The following MTNR1A variants were observed in gnomAD, a reference collection of about 807,000 sequenced individuals.
MTNR1A encodes the protein melatonin receptor 1A.
In MTNR1A, 7 loss-of-function variants were observed where a neutral mutation model predicts 5.5. That is an observed-to-expected ratio of 1.28 (90% CI 0.73 to 2.40). The LOEUF (loss-of-function observed/expected upper bound fraction) is 2.40. MTNR1A is among the 30% of genes most tolerant of loss of function. The pLI is 0.00. For synonymous variants in MTNR1A, 196 were observed against 202.7 expected (o/e 0.97, Z 0.28); for missense variants, 441 against 464.4 (o/e 0.95, Z 0.46).
rs761697371 is a variant in MTNR1A at position 186,555,159 on chromosome 4, A to G, written c.184+23T>C. The G allele has an allele frequency of 8.2e-6, 13 of 1,582,772 alleles. No homozygotes were observed. The South Asian group carries it at 1.5e-4, about 18-fold the overall frequency. ...GGCGCTGCGTCCGGAGCGCTGGCCCAGGGGAGGCGGCGCGGGCCCTACCTG... is the reference window on the plus strand; with the variant it reads ...GGCGCTGCGTCCGGAGCGCTGGCCCGGGGGAGGCGGCGCGGGCCCTACCTG... On this transcript the variant is annotated intron_variant, in intron 1 of 1. Coordinates refer to ENST00000307161, the MANE Select transcript of MTNR1A (RefSeq NM_005958.4). This position sits in a 1 kb window ranked among gnomAD's most constrained non-coding sequence, Gnocchi z 4.1.
rs1277178634 is a variant in MTNR1A at position 186,555,048 on chromosome 4, CCTCT to C, written c.184+130_184+133del. Reference sequence around the variant, plus strand: ...TTCAACGGGCAGGCTGGAGAAGAGTCCTCTCTAACAGGAAAAATAACTCCAAGTC... The same window carrying C: ...TTCAACGGGCAGGCTGGAGAAGAGTCCTAACAGGAAAAATAACTCCAAGTC... On this transcript the variant is annotated intron_variant, in intron 1 of 1. Transcript: ENST00000307161. This position sits in a 1 kb window ranked among gnomAD's most constrained non-coding sequence, Gnocchi z 4.1. The C allele has an allele frequency of 9.7e-7, 1 of 1,034,128 alleles. No homozygotes were observed. The highest frequency in any genetic ancestry group is 1.5e-6 in the Non-Finnish European group (1 of 687,714). 64.1% of individuals were successfully genotyped at this position (1,034,128 alleles called of 1,614,324 possible). A position where few individuals can be genotyped will look rare whatever the true frequency, so the allele number is the denominator to read the frequency against.
chr4:186,540,123 C>T (rs1277283442), intron 1 of MTNR1A, among the ~76,000 whole-genome samples: 1 of 152,184 alleles, frequency 6.6e-6, no homozygotes, highest in Non-Finnish European at 1.5e-5. Flanking sequence ...ATAGAACCAT[C>T]AGATCTTGTG....
At position 186,536,301 on chromosome 4, in the gene MTNR1A, G is replaced by A. The variant is rs528192543; in HGVS notation, c.185-1744C>T. On this transcript the variant is annotated intron_variant, in intron 1 of 1. Transcript: ENST00000307161. Reference sequence around the variant, plus strand: ...GCAGAGGTTGCAGTGAGCAGAGATCGCGCCATTGCACTCCAGCCTGGGTGA... The same window carrying A: ...GCAGAGGTTGCAGTGAGCAGAGATCACGCCATTGCACTCCAGCCTGGGTGA... Among the ~76,000 whole-genome samples the A allele has an allele frequency of 4.6e-5, 7 of 151,462 alleles. No homozygotes were observed. The South Asian group carries it at 6.2e-4, about 14-fold the overall frequency.
chr4:186,544,472 T>G (rs1737096055), intron 1 of MTNR1A, among the ~76,000 whole-genome samples: 1 of 152,242 alleles, frequency 6.6e-6, no homozygotes, highest in Non-Finnish European at 1.5e-5. Flanking sequence ...AATCCCACAC[T>G]GCAATCCTCA....
At chr4:186,535,045 G>C (rs1344133486) in intron 1 of MTNR1A, among the ~76,000 whole-genome samples, 1 of 152,158 alleles carries the variant, frequency 6.6e-6, no homozygotes, top group African/African-American at 2.4e-5. Flanking sequence ...AGAGGGATCT[G>C]TCGTCAGCCG....
Position 186,555,499 on chromosome 4 carries a change from C to A in MTNR1A, c.-134G>T, listed in dbSNP as rs1420787995. 3.1e-6 allele frequency: 2 copies of A among 635,836 alleles called. No homozygotes were observed. The highest frequency in any genetic ancestry group is 9.4e-5 in the East Asian group (2 of 21,222). The allele number at this position is 635,836 out of a possible 1,614,324, so 39.4% of individuals were successfully genotyped here. ...CGCTCCTCCACGCCGCGCCCCCGGA[C>A]GCCCACGCCGCGCCGGACGCCACGG... On this transcript the variant is annotated 5_prime_UTR_variant, in exon 1 of 2. Coordinates refer to ENST00000307161, the MANE Select transcript of MTNR1A (RefSeq NM_005958.4). This position sits in a 1 kb window ranked among gnomAD's most constrained non-coding sequence, Gnocchi z 4.1.
intron 1 of MTNR1A, among the ~76,000 whole-genome samples, chr4:186,542,732 G>A (rs1401348059): frequency 1.3e-5 from 2 of 152,134 alleles, no homozygotes; most frequent in African/African-American, 2.4e-5. Flanking sequence ...CTTCCTTTCT[G>A]TGAAACTTTA....
intron 1 of MTNR1A, among the ~76,000 whole-genome samples, chr4:186,544,022 C>G (rs1399454571): frequency 6.6e-6 from 1 of 151,576 alleles, no homozygotes; most frequent in African/African-American, 2.4e-5. Flanking sequence ...TTCATTTTTT[C>G]TTCTTGAGAT....
chr4:186,555,398 C>A lies in MTNR1A; in HGVS notation c.-33G>T, dbSNP rs1327291637. 4.4e-6 allele frequency: 6 copies of A among 1,364,320 alleles called. No homozygotes were observed. The highest frequency in any genetic ancestry group is 1.9e-6 in the Non-Finnish European group (2 of 1,057,414). The allele number at this position is 1,364,320 out of a possible 1,614,324, so 84.5% of individuals were successfully genotyped here. ...GTGCGCGTCCCGGCCGCGGGGCCAT[C>A]GCCCGCCTCGTCCGCCCGCCCGACC... On this transcript the variant is annotated 5_prime_UTR_variant, in exon 1 of 2. Transcript: ENST00000307161. The surrounding 1 kb of genome is among the most constrained non-coding windows in gnomAD (Gnocchi z 4.1).
chr4:186,535,043 CT>C (rs994255451), intron 1 of MTNR1A, among the ~76,000 whole-genome samples: 3 of 152,190 alleles, frequency 2.0e-5, no homozygotes, highest in African/African-American at 7.2e-5. Flanking sequence ...CAAGAGGGAT[CT>C]GTCGTCAGCC....
chr4:186,547,737 C>A (rs62350396), intron 1 of MTNR1A, among the ~76,000 whole-genome samples: 1 of 152,184 alleles, frequency 6.6e-6, no homozygotes, highest in African/African-American at 2.4e-5. Flanking sequence ...GTACACTGTA[C>A]ACTTTACATT....
chr4:186,548,678 G>GAGA (rs1737204709), intron 1 of MTNR1A, among the ~76,000 whole-genome samples: 1 of 151,558 alleles, frequency 6.6e-6, no homozygotes. Context: ...TCACACGCAT[G>GAGA]AGATGGCAAA....
Position 186,555,045 on chromosome 4 carries a change from A to G in MTNR1A, c.184+137T>C, listed in dbSNP as rs996231592. The G allele has an allele frequency of 1.2e-4, 124 of 993,212 alleles. 4 individuals are homozygous for G. In the South Asian group the frequency reaches 1.5e-3, roughly 12 times the overall value. The allele number at this position is 993,212 out of a possible 1,614,324, so 61.5% of individuals were successfully genotyped here. A position where few individuals can be genotyped will look rare whatever the true frequency, so the allele number is the denominator to read the frequency against. Reference sequence around the variant, plus strand: ...ACTTTCAACGGGCAGGCTGGAGAAGAGTCCTCTCTAACAGGAAAAATAACT... The same window carrying G: ...ACTTTCAACGGGCAGGCTGGAGAAGGGTCCTCTCTAACAGGAAAAATAACT... On this transcript the variant is annotated intron_variant, in intron 1 of 1. Coordinates refer to ENST00000307161, the MANE Select transcript of MTNR1A (RefSeq NM_005958.4). This position sits in a 1 kb window ranked among gnomAD's most constrained non-coding sequence, Gnocchi z 4.1.
chr4:186,548,131 C>G (rs906317646), intron 1 of MTNR1A, among the ~76,000 whole-genome samples: 3 of 152,110 alleles, frequency 2.0e-5, no homozygotes, highest in Admixed American at 1.3e-4. Flanking sequence ...TATATGAACT[C>G]TCTTTAGGGT....
chr4:186,534,907 C>T (rs58085559), intron 1 of MTNR1A, among the ~76,000 whole-genome samples: 2 of 152,214 alleles, frequency 1.3e-5, no homozygotes, highest in Non-Finnish European at 2.9e-5. Flanking sequence ...TGAGAAATCT[C>T]ATATGATGTC....
At chr4:186,539,349 C>T (rs1736954525) in intron 1 of MTNR1A, among the ~76,000 whole-genome samples, 1 of 152,036 alleles carries the variant, frequency 6.6e-6, no homozygotes, top group Non-Finnish European at 1.5e-5. Context: ...ATTAAACCAA[C>T]CCATTTCCTG....
In MTNR1A at chr4:186,555,421, A is replaced by C. The variant is rs1487670500; in HGVS notation, c.-56T>G. 2 of 1,321,426 alleles carry C rather than the reference A, an allele frequency of 1.5e-6. No individual in the cohort carries two copies. The highest frequency in any genetic ancestry group is 1.9e-6 in the Non-Finnish European group (2 of 1,031,802). 81.9% of individuals were successfully genotyped at this position (1,321,426 alleles called of 1,614,324 possible). On this transcript the variant is annotated 5_prime_UTR_variant, in exon 1 of 2. Coordinates refer to ENST00000307161, the MANE Select transcript of MTNR1A (RefSeq NM_005958.4). This position sits in a 1 kb window ranked among gnomAD's most constrained non-coding sequence, Gnocchi z 4.1. ...ATCGCCCGCCTCGTCCGCCCGCCCG[A>C]CCACTTGTTAAGGCTCCGCCCGGCG...
intron 1 of MTNR1A, among the ~76,000 whole-genome samples, chr4:186,543,623 T>G (rs550779886): frequency 2.6e-5 from 4 of 152,358 alleles, no homozygotes; most frequent in African/African-American, 9.6e-5. Context: ...ATAGTGAACC[T>G]TGTATCTCAG....
rs1488600456 is a variant in MTNR1A at position 186,533,694 on chromosome 4, CG to C, written c.1047del (p.Val350PhefsTer9). On this transcript the variant is annotated frameshift_variant, in exon 2 of 2. Coordinates refer to ENST00000307161, the MANE Select transcript of MTNR1A (RefSeq NM_005958.4). LOFTEE classifies it high-confidence loss of function. ...ACCCGGAACGTGGTGCTTTTTTAAA[CG>C]GAGTCCACCTTTACTACATTATTGT... ...MTNNNVVKVD[S>X]V The C allele has an allele frequency of 6.2e-7, 1 of 1,613,974 alleles. No individual in the cohort carries two copies. Among genetic ancestry groups the C allele is most frequent in the African/African-American group, 1.3e-5 (1 of 74,938 alleles).
Sources: gnomAD v4.1 joint callset for allele counts (sites outside exome capture counted in the v4.1 genomes callset) on GRCh38, gnomAD v4.1.1 for gene constraint, Gnocchi (gnomAD v3.1) non-coding constraint, MANE v1.5 for transcripts, NCBI Gene and HGNC (gene_info 2026-07-23, HGNC 2026-07-21) for gene names.